Variants in SMYD2 observed in about 807,000 individuals in gnomAD.
The protein encoded by SMYD2 is SET and MYND domain containing 2.
SMYD2 carries 53 observed loss-of-function variants against 59.1 expected under a neutral mutation model. The ratio of observed to expected loss-of-function variants is 0.90; its 90% confidence interval spans 0.72 to 1.13. SMYD2 has a LOEUF of 1.13. SMYD2 is among the 50% of genes most tolerant of loss of function. The pLI, the probability that SMYD2 is intolerant of heterozygous loss-of-function variation, is 0.00. For synonymous variants in SMYD2, 208 were observed against 198.8 expected (o/e 1.05, Z -0.39); for missense variants, 494 against 544.7 (o/e 0.91, Z 0.93).
At chr1:214,331,218 G>C in intron 9 of SMYD2, 148 bp downstream of exon 9, 1 of 1,133,930 alleles carries the variant, frequency 8.8e-7, no homozygotes, top group African/African-American at 1.6e-5. Flanking sequence ...AAGGCGTACT[G>C]ACCACCCACA....
In SMYD2 at chr1:214,312,403, C is replaced by T. The variant is rs1657011579; in HGVS notation, c.238-2359C>T. Reference sequence around the variant, plus strand: ...AACAAAACAAAATTTCTTTATTTTCCTGGGGAGAGACAGATACTAAACCAA... The same window carrying T: ...AACAAAACAAAATTTCTTTATTTTCTTGGGGAGAGACAGATACTAAACCAA... On this transcript the variant is annotated intron_variant, in intron 2 of 11. Coordinates refer to ENST00000366957, the MANE Select transcript of SMYD2 (RefSeq NM_020197.3). This position sits in a 1 kb window ranked among gnomAD's most constrained non-coding sequence, Gnocchi z 4.1. Among the ~76,000 whole-genome samples, 1 of 152,116 alleles carries T rather than the reference C, an allele frequency of 6.6e-6. No homozygotes were observed. Among genetic ancestry groups the T allele is most frequent in the Non-Finnish European group, 1.5e-5 (1 of 68,016 alleles).
At chr1:214,290,851 A>T (rs981158373) in intron 1 of SMYD2, among the ~76,000 whole-genome samples, 9 of 152,170 alleles carry the variant, frequency 5.9e-5, no homozygotes, top group South Asian at 2.1e-4. Context: ...CTCTTCAGGG[A>T]TGTAGGTACT....
intron 1 of SMYD2, among the ~76,000 whole-genome samples, chr1:214,300,012 G>A (rs1656795984): frequency 6.6e-6 from 1 of 152,172 alleles, no homozygotes; most frequent in Non-Finnish European, 1.5e-5. Context: ...GGGAGCAAGG[G>A]CTGAAAACCT....
intron 1 of SMYD2, among the ~76,000 whole-genome samples, chr1:214,297,253 G>A (rs1656747129): frequency 6.6e-6 from 1 of 151,804 alleles, no homozygotes. Flanking sequence ...ACCACTGTGA[G>A]AGGTTATTAG....
chr1:214,297,017 C>G (rs1342060473), intron 1 of SMYD2, among the ~76,000 whole-genome samples: 1 of 152,186 alleles, frequency 6.6e-6, no homozygotes, highest in Non-Finnish European at 1.5e-5. Flanking sequence ...TTAAGAATCT[C>G]AGAAAAATCT....
In SMYD2 at chr1:214,281,431, G is replaced by C; in HGVS notation, c.173+4G>C. The C allele has an allele frequency of 1.4e-6, 2 of 1,409,064 alleles. No homozygotes were observed. Among genetic ancestry groups the C allele is most frequent in the South Asian group, 3.6e-5 (2 of 56,168 alleles). 87.3% of individuals were successfully genotyped at this position (1,409,064 alleles called of 1,614,324 possible). Reference sequence around the variant, plus strand: ...ACTGCGAGTACTGCTTCACCAGGTAGGGCGGCGGCGGCGGCGGCGGCGGGC... The same window carrying C: ...ACTGCGAGTACTGCTTCACCAGGTACGGCGGCGGCGGCGGCGGCGGCGGGC... On this transcript the variant is annotated splice_donor_region_variant and intron_variant, in intron 1 of 11. Transcript: ENST00000366957.
chr1:214,335,479 T>TA (rs1657421655), intron 11 of SMYD2, among the ~76,000 whole-genome samples: 1 of 152,236 alleles, frequency 6.6e-6, no homozygotes, highest in Admixed American at 6.5e-5. Flanking sequence ...CTTGCACTGT[T>TA]ACTTGGCCTG....
intron 2 of SMYD2, among the ~76,000 whole-genome samples, chr1:214,309,633 A>G (rs1040437973): frequency 6.6e-6 from 1 of 152,168 alleles, no homozygotes; most frequent in Non-Finnish European, 1.5e-5. Flanking sequence ...GAAGTATAGA[A>G]CATGTCTAAT....
intron 2 of SMYD2, among the ~76,000 whole-genome samples, chr1:214,305,558 A>C (rs1024887996): frequency 1.3e-5 from 2 of 152,236 alleles, no homozygotes; most frequent in African/African-American, 4.8e-5. Context: ...ACAAATAAAC[A>C]ATATTAAAAT....
rs763176844 is a variant in SMYD2 at position 214,284,567 on chromosome 1, CT to C, written c.173+3154del. On this transcript the variant is annotated intron_variant, in intron 1 of 11. Transcript: ENST00000366957. ...GTTGTATTTTAAACTAAGTTTTAGA[CT>C]TTTTTTTTTTTTTGAAACAGTCTCG... Among the ~76,000 whole-genome samples, 424 of 124,904 alleles carry C rather than the reference CT, an allele frequency of 3.4e-3. 1 individual carries two copies. The highest frequency in any genetic ancestry group is 5.5e-3 in the Middle Eastern group (1 of 182). 81.9% of individuals were successfully genotyped at this position (124,904 alleles called of 152,430 possible).
intron 2 of SMYD2, among the ~76,000 whole-genome samples, chr1:214,305,955 C>G (rs1656909094): frequency 6.6e-6 from 1 of 152,226 alleles, no homozygotes; most frequent in Admixed American, 6.5e-5. Context: ...AAATGCATTT[C>G]ATGTTCAAAC....
intron 1 of SMYD2, 96 bp downstream of exon 1, chr1:214,281,523 T>C: frequency 3.5e-6 from 1 of 287,576 alleles, no homozygotes; most frequent in Non-Finnish European, 5.1e-6. Context: ...GCTCGCGGGG[T>C]CCTAGCGCCG....
intron 1 of SMYD2, among the ~76,000 whole-genome samples, chr1:214,282,064 C>T (rs574945396): frequency 6.6e-6 from 1 of 152,306 alleles, no homozygotes; most frequent in African/African-American, 2.4e-5. Flanking sequence ...ATTAGGAAAA[C>T]ATGGTCGCAG....
At chr1:214,336,606 G>A (rs1022897655) in intron 11 of SMYD2, 98 bp from the exon 12 acceptor site, 12 of 1,004,864 alleles carry the variant, frequency 1.2e-5, no homozygotes, top group East Asian at 1.0e-4. Context: ...TTTGCATCCT[G>A]TGCCTTAAAG....
At chr1:214,307,396 T>C (rs1656931980) in intron 2 of SMYD2, among the ~76,000 whole-genome samples, 1 of 152,234 alleles carries the variant, frequency 6.6e-6, no homozygotes, top group Non-Finnish European at 1.5e-5. Flanking sequence ...CAGGCTAGAC[T>C]AAAGCTTAGC....
chr1:214,321,960 GAAAC>G (rs1298547775), intron 5 of SMYD2, among the ~76,000 whole-genome samples: 1 of 152,150 alleles, frequency 6.6e-6, no homozygotes, highest in Non-Finnish European at 1.5e-5. Context: ...AGCTCTTGAA[GAAAC>G]ACAAGCAGTC....
intron 2 of SMYD2, among the ~76,000 whole-genome samples, chr1:214,307,803 G>A (rs1049410887): frequency 2.6e-5 from 4 of 152,180 alleles, no homozygotes; most frequent in Admixed American, 2.6e-4. Flanking sequence ...AATGAGGGGT[G>A]TCCTCCCTTG....
intron 1 of SMYD2, among the ~76,000 whole-genome samples, chr1:214,297,851 G>C (rs1013658884): frequency 6.6e-6 from 1 of 152,012 alleles, no homozygotes; most frequent in African/African-American, 2.4e-5. Flanking sequence ...AGGCAAGCTG[G>C]CCCAAGAAGA....
chr1:214,321,632 G>A (rs1383427260), intron 5 of SMYD2, among the ~76,000 whole-genome samples: 1 of 152,180 alleles, frequency 6.6e-6, no homozygotes, highest in Non-Finnish European at 1.5e-5. Flanking sequence ...AGCAGAAGGT[G>A]ACCACACATC....
Sources: gnomAD v4.1 joint callset for allele counts (sites outside exome capture counted in the v4.1 genomes callset) on GRCh38, gnomAD v4.1.1 for gene constraint, Gnocchi (gnomAD v3.1) non-coding constraint, MANE v1.5 for transcripts, NCBI Gene and HGNC (gene_info 2026-07-23, HGNC 2026-07-21) for gene names.